DOT1L: variants seen among roughly 807,000 people sequenced by gnomAD.
DOT1L encodes DOT1 like histone lysine methyltransferase.
In DOT1L, 33 loss-of-function variants were observed where a neutral mutation model predicts 153.3. That is an observed-to-expected ratio of 0.22 (90% CI 0.16 to 0.29). DOT1L has a LOEUF of 0.29. Ranked by LOEUF, DOT1L falls within the 10% of genes least tolerant of loss-of-function variation. The pLI is 1.00. For missense variants in DOT1L, 1,847 were observed against 2,119.9 expected (o/e 0.87, Z 2.53); for synonymous variants, 1,135 against 965.1 (o/e 1.18, Z -3.26).
chr19:2,206,623 AGTGTGT>A, intron 9 of DOT1L, 100 bp from the exon 10 acceptor site: 1 of 1,075,610 alleles, frequency 9.3e-7, no homozygotes, highest in Non-Finnish European at 1.4e-6. Flanking sequence ...CCCGGAGCCC[AGTGTGT>A]GTGTGTTCCG....
chr19:2,206,179 T>C (rs975115132), intron 9 of DOT1L, among the ~76,000 whole-genome samples: 12 of 151,986 alleles, frequency 7.9e-5, no homozygotes, highest in Admixed American at 1.3e-4. Flanking sequence ...TGTATTTTTT[T>C]AGTAGAGACA....
intron 27 of DOT1L, chr19:2,228,698 GCTGGGAGCTCT>G: frequency 1.0e-6 from 1 of 985,416 alleles, no homozygotes. Context: ...AGGCCAGGGG[GCTGGGAGCTCT>G]AGCTCCTAGA....
chr19:2,208,901 C>A lies in DOT1L; in HGVS notation c.964-34C>A. On this transcript the variant is annotated intron_variant, in intron 11 of 27. Transcript: ENST00000398665. The surrounding 1 kb of genome is among the most constrained non-coding windows in gnomAD (Gnocchi z 4.4). ...ACAAATCCGAACAGAGATTGGGACTCCCTTCTAATCAGGGTTCTCTTTCTT... is the reference window on the plus strand; with the variant it reads ...ACAAATCCGAACAGAGATTGGGACTACCTTCTAATCAGGGTTCTCTTTCTT... 6.2e-7 allele frequency: 1 copy of A among 1,606,398 alleles called. No homozygotes were observed.
In DOT1L at chr19:2,226,707, C is replaced by G; in HGVS notation, c.4186C>G (p.Leu1396Val). 6.4e-7 allele frequency: 1 copy of G among 1,565,330 alleles called. No homozygotes were observed. Residue 1396 changes from leucine to valine, a missense_variant, in exon 27 of 28, where the codon CTG (leucine) becomes GTG (valine). By Grantham distance (32) the Leu-to-Val change is conservative. Coordinates refer to ENST00000398665, the MANE Select transcript of DOT1L (RefSeq NM_032482.3). ...GKEAGEGGLP[L>V]CGPTDKTPLL... ...GGAGGCAGGGGAGGGCGGCCTACCG[C>G]TGTGCGGGCCCACGGACAAGACCCC...
In DOT1L at chr19:2,193,813, G is replaced by A; in HGVS notation, c.588+30G>A. On this transcript the variant is annotated intron_variant, in intron 6 of 27. Transcript: ENST00000398665. The surrounding 1 kb of genome is among the most constrained non-coding windows in gnomAD (Gnocchi z 5.9). ...GCGGATCTGAGGGCCAGGGTGTGTT[G>A]GAGGCAGGGGACCATCAGAGAAAGT... The A allele has an allele frequency of 3.1e-6, 5 of 1,605,422 alleles. No homozygotes were observed. Among genetic ancestry groups the A allele is most frequent in the Non-Finnish European group, 4.3e-6 (5 of 1,174,614 alleles).
At chr19:2,202,052 C>T (rs2023308832) in intron 8 of DOT1L, among the ~76,000 whole-genome samples, 1 of 152,252 alleles carries the variant, frequency 6.6e-6, no homozygotes, top group African/African-American at 2.4e-5. Flanking sequence ...CTGGCTCACA[C>T]CGCTCAGCCA....
rs917759899 is a variant in DOT1L, at chr19:2,202,901, G to A, written c.787+122G>A. The A allele has an allele frequency of 1.6e-5, 14 of 876,634 alleles. No individual in the cohort carries two copies. In the African/African-American group the frequency reaches 2.0e-4, roughly 13 times the overall value. 54.3% of individuals were successfully genotyped at this position (876,634 alleles called of 1,614,324 possible). A position where few individuals can be genotyped will look rare whatever the true frequency, so the allele number is the denominator to read the frequency against. ...ACTTGGGGTCTTCAGTCCCCTTGGA[G>A]CCAGGTGGTCTTCCTTTATGCTTTT... On this transcript the variant is annotated intron_variant, in intron 9 of 27. Transcript: ENST00000398665.
intron 27 of DOT1L, chr19:2,228,144 TTGTC>T (rs1318288188): frequency 7.3e-7 from 1 of 1,364,824 alleles, no homozygotes; most frequent in African/African-American, 1.5e-5. Flanking sequence ...TAACGCCTCT[TTGTC>T]TATCAAGCTC....
chr19:2,167,190 T>G (rs1198797655), intron 1 of DOT1L, among the ~76,000 whole-genome samples: 3 of 152,190 alleles, frequency 2.0e-5, no homozygotes, highest in Non-Finnish European at 4.4e-5. Flanking sequence ...AAAGTCAGTG[T>G]TCGCGTGGCG....
Position 2,220,503 on chromosome 19 carries a change from G to A in DOT1L, c.2806+281G>A. On this transcript the variant is annotated intron_variant, in intron 23 of 27. Coordinates refer to ENST00000398665, the MANE Select transcript of DOT1L (RefSeq NM_032482.3). This position sits in a 1 kb window ranked among gnomAD's most constrained non-coding sequence, Gnocchi z 4.5. The stretch of plus-strand genomic sequence containing the variant: ...TTCAGCCCGTGAGGTCGGCCCCAGT[G>A]CTCTCGGGGGCTCCTGTACTCACAG... 1 of 544,096 alleles carries A rather than the reference G, an allele frequency of 1.8e-6. No individual in the cohort carries two copies. Among genetic ancestry groups the A allele is most frequent in the South Asian group, 1.5e-5 (1 of 65,372 alleles). The allele number at this position is 544,096 out of a possible 1,614,324, so 33.7% of individuals were successfully genotyped here.
intron 27 of DOT1L, chr19:2,228,483 CT>C (rs1041272810): frequency 8.3e-7 from 1 of 1,199,642 alleles, no homozygotes; most frequent in Admixed American, 3.6e-5. Flanking sequence ...TCCGGGGGTC[CT>C]GAGGAGGGAA....
At chr19:2,202,645 G>A in intron 8 of DOT1L, 55 bp from the exon 9 acceptor site, 1 of 1,560,402 alleles carries the variant, frequency 6.4e-7, no homozygotes, top group Non-Finnish European at 8.8e-7. Flanking sequence ...TGCGCCGGGT[G>A]GCTGTGCCCG....
chr19:2,172,850 C>T (rs557300238), intron 1 of DOT1L, among the ~76,000 whole-genome samples: 12 of 151,946 alleles, frequency 7.9e-5, no homozygotes, highest in South Asian at 2.1e-4. Flanking sequence ...TGACAGTTCA[C>T]GTATCATAAA....
chr19:2,181,582 GGGT>G (rs1464733633), intron 2 of DOT1L, among the ~76,000 whole-genome samples: 9 of 151,866 alleles, frequency 5.9e-5, no homozygotes, highest in African/African-American at 1.9e-4. Context: ...AGGTCGGCCA[GGGT>G]GGGCCTGACC....
In DOT1L at chr19:2,200,796, C is replaced by T. The variant is rs545674959; in HGVS notation, c.707+857C>T. ...TCCTCCCCTCATTCCTCGTCCTCCC[C>T]GCATTCCTCGTCCTCCCCACGCCTC... On this transcript the variant is annotated intron_variant, in intron 8 of 27. Transcript: ENST00000398665. Among the ~76,000 whole-genome samples the T allele has an allele frequency of 3.3e-3, 495 of 147,842 alleles. 1 individual carries two copies. The highest frequency in any genetic ancestry group is 0.011 in the African/African-American group (452 of 39,846).
intron 3 of DOT1L, among the ~76,000 whole-genome samples, chr19:2,188,480 G>GCCCCCCCCC (rs375314788): frequency 7.5e-5 from 5 of 66,998 alleles, no homozygotes; most frequent in Admixed American, 1.6e-4. Context: ...CCCAGCCGCC[G>GCCCCCCCCC]CCCCCCCCCC....
At chr19:2,176,657 C>T (rs929151768) in intron 1 of DOT1L, among the ~76,000 whole-genome samples, 3 of 152,170 alleles carry the variant, frequency 2.0e-5, no homozygotes, top group Non-Finnish European at 4.4e-5. Context: ...GGACTTGGGC[C>T]GACAGCCCCC....
At chr19:2,182,271 G>T (rs1487430639) in intron 2 of DOT1L, among the ~76,000 whole-genome samples, 1 of 152,090 alleles carries the variant, frequency 6.6e-6, no homozygotes, top group South Asian at 2.1e-4. Flanking sequence ...AGCTGGGCAT[G>T]GTGGCTCACA....
intron 8 of DOT1L, among the ~76,000 whole-genome samples, chr19:2,201,548 G>A (rs1043510701): frequency 9.9e-5 from 15 of 152,170 alleles, no homozygotes; most frequent in Non-Finnish European, 1.3e-4. Flanking sequence ...TCCTAGGTTC[G>A]CTCTCCTGTG....
Sources: allele counts gnomAD v4.1 joint callset (sites outside exome capture counted in the v4.1 genomes callset), GRCh38; gene constraint gnomAD v4.1.1; non-coding constraint Gnocchi (gnomAD v3.1); transcripts MANE v1.5; gene names NCBI Gene and HGNC (gene_info 2026-07-23, HGNC 2026-07-21).